KYAT1: variants seen among roughly 807,000 people sequenced by gnomAD.
KYAT1 encodes the protein kynurenine--oxoglutarate transaminase 1.
In KYAT1, 47 loss-of-function variants were observed where a neutral mutation model predicts 52.4. The ratio of observed to expected loss-of-function variants is 0.90; its 90% CI spans 0.71 to 1.14. The LOEUF (loss-of-function observed/expected upper bound fraction) is 1.14. KYAT1 is among the 50% of genes most tolerant of loss of function. The probability of loss-of-function intolerance (pLI) is 0.00; values close to 1 mark genes in which losing one functional copy is unlikely to be tolerated. For synonymous variants in KYAT1, 212 were observed against 209.6 expected (o/e 1.01, Z -0.10); for missense variants, 480 against 557.9 (o/e 0.86, Z 1.41).
chr9:128,835,082 AGCCAAGATCGC>A, intron 11 of KYAT1: 1 of 502,456 alleles, frequency 2.0e-6, no homozygotes, highest in African/African-American at 2.0e-5. Context: ...GCTTGCAGTG[AGCCAAGATCGC>A]GCCACTGCAC....
At chr9:128,844,980 G>T (rs1615) in intron 2 of KYAT1, among the ~76,000 whole-genome samples, 1 of 152,202 alleles carries the variant, frequency 6.6e-6, no homozygotes, top group African/African-American at 2.4e-5. Flanking sequence ...TAGTTTATCT[G>T]ACTCTATACC....
At chr9:128,875,151 T>G (rs918419602) in intron 1 of KYAT1, among the ~76,000 whole-genome samples, 4 of 152,156 alleles carry the variant, frequency 2.6e-5, no homozygotes, top group Non-Finnish European at 5.9e-5. Flanking sequence ...TGGATGCAGA[T>G]CTCAGGTTTC....
chr9:128,868,895 G>A (rs1233472147), intron 1 of KYAT1, among the ~76,000 whole-genome samples: 2 of 151,810 alleles, frequency 1.3e-5, no homozygotes, highest in Non-Finnish European at 2.9e-5. Context: ...TAGTAGAGAC[G>A]GGGTTTCACC....
rs771850785 is a variant in KYAT1, at chr9:128,838,351, G to A, written c.218C>T (p.Thr73Met). The A allele has an allele frequency of 1.4e-5, 23 of 1,614,000 alleles. No homozygotes were observed. In the South Asian group the frequency reaches 1.4e-4, roughly 10 times the overall value. The change falls in exon 4 of 13, where the codon ACG (threonine) becomes ATG (methionine). Residue 73 changes from threonine to methionine, a missense_variant. Thr to Met is a moderately conservative substitution (Grantham distance 81). Coordinates refer to ENST00000302586, the MANE Select transcript of KYAT1 (RefSeq NM_004059.5). Reference protein sequence around the residue: ...YTKTFGYPPLTKILASFFGEL... With the variant: ...YTKTFGYPPLMKILASFFGEL... The stretch of plus-strand genomic sequence containing the variant: ...CCCAAAGAAACTTGCCAGGATCTTC[G>A]TCAGTGGTGGGTAACCCTGCCAGGA...
chr9:128,838,936 T>TTTTTTTTA (rs1831631648), intron 3 of KYAT1, among the ~76,000 whole-genome samples: 2 of 143,450 alleles, frequency 1.4e-5, no homozygotes, highest in East Asian at 2.1e-4. Flanking sequence ...CGGGAGAGGC[T>TTTTTTTTA]TTTATTTATT....
intron 1 of KYAT1, among the ~76,000 whole-genome samples, chr9:128,855,411 CAT>C (rs1315118075): frequency 6.6e-6 from 1 of 152,226 alleles, no homozygotes; most frequent in African/African-American, 2.4e-5. Flanking sequence ...GAACATCCAG[CAT>C]TATGAAAGCT....
rs1010977255 is a variant in KYAT1, at chr9:128,838,123, T to A, written c.366A>T (p.Glu122Asp). Residue 122 changes from glutamate to aspartate, a missense_variant, in exon 5 of 13, where the codon GAA becomes GAT. Coordinates refer to ENST00000302586, the MANE Select transcript of KYAT1 (RefSeq NM_004059.5). ...TGGGCTCGTAGCAGTCAAAAAAGGG[T>A]TCGATGATGATGACCTGATATAAGG... Reference protein sequence around the residue: ...VDEGDEVIIIEPFFDCYEPMT... With the variant: ...VDEGDEVIIIDPFFDCYEPMT... The A allele has an allele frequency of 6.2e-7, 1 of 1,613,870 alleles. No individual in the cohort carries two copies. Among genetic ancestry groups the A allele is most frequent in the African/African-American group, 1.3e-5 (1 of 74,830 alleles).
chr9:128,856,433 C>T (rs531179159), intron 1 of KYAT1, among the ~76,000 whole-genome samples: 191 of 152,028 alleles, frequency 1.3e-3, no homozygotes, highest in Middle Eastern at 6.8e-3. Flanking sequence ...GCGGTTTTGT[C>T]AAAAAGAAAA....
intron 3 of KYAT1, chr9:128,842,160 T>C: frequency 3.3e-6 from 1 of 304,356 alleles, no homozygotes; most frequent in African/African-American, 2.2e-5. Flanking sequence ...ACCATTGCAC[T>C]CCAGCCTGGA....
intron 1 of KYAT1, among the ~76,000 whole-genome samples, chr9:128,860,855 C>T (rs1245001997): frequency 6.6e-6 from 1 of 152,034 alleles, no homozygotes; most frequent in Admixed American, 6.6e-5. Flanking sequence ...GAGCCACTGC[C>T]TCCGGCCCAC....
rs375695683 is a variant in KYAT1, at chr9:128,845,362, T to C, written c.44A>G (p.Tyr15Cys). 188 of 1,613,788 alleles carry C rather than the reference T, an allele frequency of 1.2e-4. 4 individuals carry two copies. Among genetic ancestry groups the C allele is most frequent in the South Asian group, 1.0e-3 (92 of 91,064 alleles). The change falls in exon 2 of 13, where the codon TAC (tyrosine) becomes TGC (cysteine). Residue 15 changes from tyrosine to cysteine, a missense_variant. Tyr to Cys is a radical substitution (Grantham distance 194). Coordinates refer to ENST00000302586, the MANE Select transcript of KYAT1 (RefSeq NM_004059.5). ...AGCCCAGCTGGCTCACCAGGGGTTG[T>C]AGTCGATCCCGTCTAGCCTTCGGGC... The part of the protein sequence containing the change: ...LQARRLDGID[Y>C]NPWVEFVKLA...
intron 1 of KYAT1, among the ~76,000 whole-genome samples, chr9:128,845,745 G>T (rs1480036337): frequency 6.6e-6 from 1 of 152,234 alleles, no homozygotes; most frequent in African/African-American, 2.4e-5. Flanking sequence ...TCTGACTCAG[G>T]AAGGGCTGAG....
chr9:128,867,858 T>G (rs1457851971), intron 1 of KYAT1, among the ~76,000 whole-genome samples: 1 of 152,160 alleles, frequency 6.6e-6, no homozygotes, highest in African/African-American at 2.4e-5. Context: ...CTGCAAGCTC[T>G]GCCTCCCGGG....
At chr9:128,845,619 C>A in intron 1 of KYAT1, 1 of 555,768 alleles carries the variant, frequency 1.8e-6, no homozygotes, top group Non-Finnish European at 3.2e-6. Context: ...TTCCTCTTGA[C>A]TCCAGCAGCC....
In KYAT1 at chr9:128,849,521, C is replaced by T. The variant is rs544765383; in HGVS notation, c.-6-4110G>A. On this transcript the variant is annotated intron_variant, in intron 1 of 12. Coordinates refer to ENST00000302586, the MANE Select transcript of KYAT1 (RefSeq NM_004059.5). ...GTAAATGAATGAATTTGGGGCCAGG[C>T]GTGGCAGCTTATGCCTGTAATCCCA... 1.5e-3 allele frequency among the ~76,000 whole-genome samples: 230 copies of T among 151,864 alleles called. 2 individuals carry two copies. The highest frequency in any genetic ancestry group is 5.4e-3 in the African/African-American group (224 of 41,452).
intron 7 of KYAT1, 72 bp downstream of exon 7, chr9:128,836,730 G>A (rs1831190297): frequency 3.8e-6 from 6 of 1,560,890 alleles, no homozygotes; most frequent in African/African-American, 2.7e-5. Flanking sequence ...CCAGGCCTGC[G>A]CTGACTCTCA....
chr9:128,863,410 A>G (rs1835721635), intron 1 of KYAT1, among the ~76,000 whole-genome samples: 1 of 151,788 alleles, frequency 6.6e-6, no homozygotes, highest in Non-Finnish European at 1.5e-5. Context: ...AGGTGGGCAG[A>G]TCGCTTGAGC....
At chr9:128,875,906 G>A (rs997367974) in intron 1 of KYAT1, among the ~76,000 whole-genome samples, 11 of 152,124 alleles carry the variant, frequency 7.2e-5, no homozygotes, top group Admixed American at 6.5e-4. Flanking sequence ...TGGGCCCGTG[G>A]AATGCATCAC....
chr9:128,841,253 C>A (rs531126854), intron 3 of KYAT1, among the ~76,000 whole-genome samples: 2 of 152,280 alleles, frequency 1.3e-5, no homozygotes, highest in African/African-American at 4.8e-5. Context: ...GCCTGTAATC[C>A]CAGCACTTTG....
Sources: gnomAD v4.1 joint callset for allele counts (sites outside exome capture counted in the v4.1 genomes callset) on GRCh38, gnomAD v4.1.1 for gene constraint, MANE v1.5 for transcripts, NCBI Gene and HGNC (gene_info 2026-07-23, HGNC 2026-07-21) for gene names.